PPM1B: variants seen among roughly 807,000 people sequenced by gnomAD.
PPM1B encodes protein phosphatase, Mg2+/Mn2+ dependent 1B, also known as protein phosphatase 1B.
In PPM1B, 22 loss-of-function variants were observed where a neutral mutation model predicts 43.0. The ratio of observed to expected loss-of-function variants is 0.51; its 90% CI spans 0.37 to 0.73. The LOEUF (loss-of-function observed/expected upper bound fraction) is 0.73. PPM1B is among the 30% of genes least tolerant of loss of function. The pLI is 0.00. For synonymous variants in PPM1B, 217 were observed against 197.9 expected, an observed-to-expected ratio of 1.10 and a Z score of -0.81; for missense variants, 632 against 584.2, an observed-to-expected ratio of 1.08 and a Z score of -0.84.
intron 1 of PPM1B, among the ~76,000 whole-genome samples, chr2:44,175,061 C>G (rs1277271912): frequency 6.6e-6 from 1 of 152,112 alleles, no homozygotes; most frequent in African/African-American, 2.4e-5. Context: ...TCGAGACCAG[C>G]CTGGCAGCAC....
intron 3 of PPM1B, among the ~76,000 whole-genome samples, chr2:44,212,955 G>T (rs1054418747): frequency 2.7e-5 from 4 of 149,542 alleles, no homozygotes; most frequent in Non-Finnish European, 4.4e-5. Flanking sequence ...GGAGCTTGCA[G>T]TGAGCCAAGA....
Position 44,224,458 on chromosome 2 carries a change from A to G in PPM1B, c.1134+5921A>G, listed in dbSNP as rs1670125322. ...TGACAGAGCAAGACTCCGTCTCCAA[A>G]AAAAAAAAAAAAAAAAAGAATTTTG... On this transcript the variant is annotated intron_variant, in intron 5 of 5. Coordinates refer to ENST00000282412, the MANE Select transcript of PPM1B (RefSeq NM_002706.6). 2.7e-5 allele frequency among the ~76,000 whole-genome samples: 4 copies of G among 145,526 alleles called. No individual in the cohort carries two copies. In the South Asian group the frequency reaches 6.5e-4, roughly 24 times the overall value.
chr2:44,233,866 G>A (rs1670537509), downstream of PPM1B: 1 of 985,434 alleles, frequency 1.0e-6, no homozygotes, highest in African/African-American at 1.7e-5. Flanking sequence ...GATGTGAAAA[G>A]CTGTTTGTCC....
chr2:44,240,636 G>A (rs78572480), intron 5 of PPM1B, among the ~76,000 whole-genome samples: 1,949 of 146,104 alleles, frequency 0.013, 135 homozygotes, highest in African/African-American at 0.045. Context: ...CAAAGCAAGT[G>A]CTTCACCCTG....
At chr2:44,212,886 G>A (rs553038538) in intron 3 of PPM1B, among the ~76,000 whole-genome samples, 109 of 151,924 alleles carry the variant, frequency 7.2e-4, no homozygotes, top group Middle Eastern at 3.4e-3. Context: ...GGTGGTGGGC[G>A]CCTGTAGTCC....
chr2:44,192,190 G>GGTATT (rs147906873), intron 1 of PPM1B, among the ~76,000 whole-genome samples: 51,686 of 143,356 alleles, frequency 0.36, 9,606 homozygotes, highest in Middle Eastern at 0.5. Flanking sequence ...GTTATGTTAT[G>GGTATT]GTATTGTATT....
At chr2:44,169,510 A>G (rs1400060120) in intron 1 of PPM1B, among the ~76,000 whole-genome samples, 1 of 152,136 alleles carries the variant, frequency 6.6e-6, no homozygotes, top group Admixed American at 6.5e-5. Context: ...GGTCTGGGAG[A>G]GGCGCAGGGA....
intron 1 of PPM1B, among the ~76,000 whole-genome samples, chr2:44,182,942 C>G (rs1273737158): frequency 2.6e-5 from 4 of 152,172 alleles, no homozygotes. Flanking sequence ...TGCTCCAGCA[C>G]TATCAGATCT....
At chr2:44,233,844 G>A, downstream of PPM1B, 1 of 985,630 alleles carries the variant, frequency 1.0e-6, no homozygotes, top group Non-Finnish European at 1.2e-6. Context: ...AAGTTAAAGT[G>A]CTTTACATGA....
chr2:44,177,796 T>G (rs1192623220), intron 1 of PPM1B, among the ~76,000 whole-genome samples: 1 of 152,132 alleles, frequency 6.6e-6, no homozygotes, highest in Non-Finnish European at 1.5e-5. Context: ...AATTTTTTTT[T>G]TTTTTACAAT....
At chr2:44,232,918 A>C (rs926365498), downstream of PPM1B, 3 of 976,870 alleles carry the variant, frequency 3.1e-6, no homozygotes, top group Non-Finnish European at 3.6e-6. Flanking sequence ...ATAATGTCCA[A>C]ATTGTAATGT....
chr2:44,198,648 G>A (rs1344526351), intron 1 of PPM1B, among the ~76,000 whole-genome samples: 1 of 152,140 alleles, frequency 6.6e-6, no homozygotes, highest in South Asian at 2.1e-4. Flanking sequence ...GTAACATAAT[G>A]TGCCTCTGTT....
Position 44,201,158 on chromosome 2 carries a change from CATTT to C in PPM1B, c.-14-26_-14-23del. ...ACATACATTTTCTGTCAAATTTAAA[CATTT>C]AACACCTGCATTTTTTATTTCAGAT... On this transcript the variant is annotated intron_variant, in intron 1 of 5. Coordinates refer to ENST00000282412, the MANE Select transcript of PPM1B (RefSeq NM_002706.6). The surrounding 1 kb of genome is among the most constrained non-coding windows in gnomAD (Gnocchi z 5.4). 1 of 1,537,168 alleles carries C rather than the reference CATTT, an allele frequency of 6.5e-7. No homozygotes were observed. Among genetic ancestry groups the C allele is most frequent in the Non-Finnish European group, 8.8e-7 (1 of 1,138,690 alleles).
chr2:44,169,320 C>T (rs996317859), intron 1 of PPM1B, 46 bp downstream of exon 1: 2 of 152,348 alleles, frequency 1.3e-5, no homozygotes, highest in Non-Finnish European at 2.9e-5. Context: ...GCTGACCGGC[C>T]GCGCCGCCGA....
chr2:44,181,429 A>C (rs1157183572), intron 1 of PPM1B, among the ~76,000 whole-genome samples: 1 of 152,168 alleles, frequency 6.6e-6, no homozygotes, highest in Non-Finnish European at 1.5e-5. Context: ...GGGACATTTA[A>C]GGTGTGTTTT....
intron 1 of PPM1B, among the ~76,000 whole-genome samples, chr2:44,178,796 G>A (rs1340723737): frequency 6.6e-6 from 1 of 152,052 alleles, no homozygotes; most frequent in Admixed American, 6.6e-5. Context: ...TTAATTTAGT[G>A]CTGTCCTATA....
At chr2:44,195,255 G>A (rs1010151493) in intron 1 of PPM1B, among the ~76,000 whole-genome samples, 3 of 150,062 alleles carry the variant, frequency 2.0e-5, no homozygotes, top group Admixed American at 2.0e-4. Flanking sequence ...TCAGGCTAGA[G>A]TATAGTGGCA....
At chr2:44,237,774 T>C (rs1435712226), downstream of PPM1B, among the ~76,000 whole-genome samples, 1 of 152,232 alleles carries the variant, frequency 6.6e-6, no homozygotes, top group Non-Finnish European at 1.5e-5. Flanking sequence ...ACCCAGGAGT[T>C]ACCCTAATGG....
intron 1 of PPM1B, among the ~76,000 whole-genome samples, chr2:44,196,356 A>G (rs551143537): frequency 6.6e-6 from 1 of 152,226 alleles, no homozygotes; most frequent in African/African-American, 2.4e-5. Flanking sequence ...TTTTCTTATG[A>G]TTAGACTGGG....
Sources: allele counts gnomAD v4.1 joint callset (sites outside exome capture counted in the v4.1 genomes callset), GRCh38; gene constraint gnomAD v4.1.1; non-coding constraint Gnocchi (gnomAD v3.1); transcripts MANE v1.5; gene names NCBI Gene and HGNC (gene_info 2026-07-23, HGNC 2026-07-21).